Variants in TMEM132D observed in about 807,000 individuals in gnomAD.
The protein encoded by TMEM132D is mature OL transmembrane protein.
Under a neutral mutation model 62.3 loss-of-function variants are expected in TMEM132D, and 21 were observed. The ratio of observed to expected loss-of-function variants is 0.34; its 90% CI spans 0.24 to 0.49. The LOEUF is 0.49. TMEM132D is among the 20% of genes least tolerant of loss of function. The pLI, the probability that TMEM132D is intolerant of heterozygous loss-of-function variation, is 0.99. For missense variants in TMEM132D, 1,346 were observed against 1,402.8 expected, an observed-to-expected ratio of 0.96 and a Z score of 0.65; for synonymous variants, 621 against 575.6, an observed-to-expected ratio of 1.08 and a Z score of -1.13.
intron 1 of TMEM132D, among the ~76,000 whole-genome samples, chr12:129,722,278 C>A (rs1473346984): frequency 6.6e-6 from 1 of 152,158 alleles, no homozygotes; most frequent in East Asian, 1.9e-4. Flanking sequence ...CGGGTTGGGC[C>A]AAGGGAGCCA....
intron 2 of TMEM132D, among the ~76,000 whole-genome samples, chr12:129,693,193 CT>C (rs1373057997): frequency 6.6e-6 from 1 of 152,116 alleles, no homozygotes; most frequent in Non-Finnish European, 1.5e-5. Flanking sequence ...GTGACAAGCC[CT>C]TCTCACCATT....
At chr12:129,289,931 G>C (rs115237995) in intron 4 of TMEM132D, among the ~76,000 whole-genome samples, 4 of 152,140 alleles carry the variant, frequency 2.6e-5, no homozygotes. Flanking sequence ...CTAAGCAGAC[G>C]CAGCCACCCT....
At chr12:129,574,600 G>A (rs928518460) in intron 2 of TMEM132D, among the ~76,000 whole-genome samples, 7 of 151,842 alleles carry the variant, frequency 4.6e-5, no homozygotes, top group Non-Finnish European at 1.0e-4. Context: ...ACAGGGGTGA[G>A]ATGTTATGAA....
chr12:129,410,514 C>T (rs1871937512), intron 3 of TMEM132D, among the ~76,000 whole-genome samples: 1 of 152,056 alleles, frequency 6.6e-6, no homozygotes, highest in African/African-American at 2.4e-5. Context: ...TGCGCACCAC[C>T]AAACCCAGCT....
intron 5 of TMEM132D, chr12:129,112,948 C>T (rs925639226): frequency 2.6e-5 from 4 of 152,200 alleles, no homozygotes; most frequent in African/African-American, 9.7e-5. Context: ...GTCCCATAGT[C>T]CCAAGGTCTT....
At chr12:129,614,770 C>T (rs1878870266) in intron 2 of TMEM132D, among the ~76,000 whole-genome samples, 2 of 152,316 alleles carry the variant, frequency 1.3e-5, no homozygotes, top group South Asian at 2.1e-4. Context: ...CAGCCATGCA[C>T]ACCGGGGAAT....
chr12:129,249,674 T>C (rs1364756440), intron 4 of TMEM132D, among the ~76,000 whole-genome samples: 2 of 152,160 alleles, frequency 1.3e-5, no homozygotes, highest in African/African-American at 2.4e-5. Flanking sequence ...CATTTCCATG[T>C]CAGTCAGGAG....
chr12:129,288,151 G>A (rs1881355757), intron 4 of TMEM132D, among the ~76,000 whole-genome samples: 1 of 152,132 alleles, frequency 6.6e-6, no homozygotes, highest in Admixed American at 6.5e-5. Flanking sequence ...AGTTAAATAG[G>A]GGAAAAGCTC....
chr12:129,241,150 CAAAAAAAAAA>C (rs35152074), intron 4 of TMEM132D, among the ~76,000 whole-genome samples: 1 of 95,646 alleles, frequency 1.0e-5, no homozygotes, highest in African/African-American at 3.8e-5. Context: ...CCTCTTACCT[CAAAAAAAAAA>C]AAAAAAAAAA....
intron 5 of TMEM132D, among the ~76,000 whole-genome samples, chr12:129,092,092 T>C (rs947505398): frequency 2.6e-5 from 4 of 152,230 alleles, no homozygotes; most frequent in African/African-American, 9.6e-5. Context: ...TTAAAACTCT[T>C]GAACCCCTTT....
rs192807084 is a variant in TMEM132D, at chr12:129,419,404, G to A, written c.1116-81587C>T. 5.9e-4 allele frequency among the ~76,000 whole-genome samples: 90 copies of A among 152,218 alleles called. 1 individual carries two copies. The highest frequency in any genetic ancestry group is 6.8e-3 in the Middle Eastern group (2 of 294). ...TGCGTATTAGGGGATGAAGATGAGC[G>A]TGCAGGAACAGCAGCAAATATTTTG... On this transcript the variant is annotated intron_variant, in intron 3 of 8. Transcript: ENST00000422113.
intron 4 of TMEM132D, among the ~76,000 whole-genome samples, chr12:129,316,822 G>A (rs1463160992): frequency 3.3e-5 from 5 of 152,012 alleles, no homozygotes; most frequent in African/African-American, 1.2e-4. Context: ...ATAAATTTGG[G>A]AGCTCCAGTG....
Position 129,531,116 on chromosome 12 carries a change from C to A in TMEM132D, c.1058G>T (p.Gly353Val). The change falls in exon 3 of 9, where the codon GGA becomes GTA. Residue 353 changes from glycine (G) to valine (V), a missense_variant. By Grantham distance (109) the Gly-to-Val change is moderately radical (BLOSUM62 -3). Transcript: ENST00000422113. ...AACGATGACAGCTGGTGCATACTTT[C>A]CAGTATAATCCGTGCGCTCCTTGAC... The part of the protein sequence containing the change: ...WDVKERTDYT[G>V]KYAPAVIVCQ... 1.9e-6 allele frequency: 3 copies of A among 1,614,062 alleles called. No homozygotes were observed. Among genetic ancestry groups the A allele is most frequent in the Non-Finnish European group, 2.5e-6 (3 of 1,179,964 alleles).
intron 2 of TMEM132D, among the ~76,000 whole-genome samples, chr12:129,672,894 T>C (rs1300034208): frequency 6.6e-6 from 1 of 152,070 alleles, no homozygotes; most frequent in African/African-American, 2.4e-5. Flanking sequence ...ACTACATGCG[T>C]GCACCACCAC....
intron 5 of TMEM132D, among the ~76,000 whole-genome samples, chr12:129,109,056 A>T (rs1875594360): frequency 6.6e-6 from 1 of 152,250 alleles, no homozygotes; most frequent in African/African-American, 2.4e-5. Flanking sequence ...TTGTACTATT[A>T]CCAGAGATGG....
chr12:129,513,900 C>T (rs1370591699), intron 3 of TMEM132D, among the ~76,000 whole-genome samples: 8 of 150,444 alleles, frequency 5.3e-5, no homozygotes, highest in South Asian at 2.1e-4. Flanking sequence ...TGCAGTGGCA[C>T]GATCTCGGCT....
At chr12:129,671,771 G>A (rs1212758469) in intron 2 of TMEM132D, among the ~76,000 whole-genome samples, 1 of 152,074 alleles carries the variant, frequency 6.6e-6, no homozygotes, top group African/African-American at 2.4e-5. Context: ...AGAAGTGGAA[G>A]CTACTTTGTA....
At chr12:129,459,798 G>A (rs184949834) in intron 3 of TMEM132D, among the ~76,000 whole-genome samples, 2 of 152,220 alleles carry the variant, frequency 1.3e-5, no homozygotes, top group Admixed American at 1.3e-4. Context: ...ACAAATATCT[G>A]TAGCCTATAG....
At chr12:129,146,004 G>A (rs562516390) in intron 5 of TMEM132D, among the ~76,000 whole-genome samples, 2 of 152,020 alleles carry the variant, frequency 1.3e-5, no homozygotes, top group South Asian at 4.2e-4. Flanking sequence ...ACACCATGAT[G>A]TTTTGGTATG....
Sources: allele counts gnomAD v4.1 joint callset (sites outside exome capture counted in the v4.1 genomes callset), GRCh38; gene constraint gnomAD v4.1.1; transcripts MANE v1.5; gene names NCBI Gene and HGNC (gene_info 2026-07-23, HGNC 2026-07-21).